Variants in PRKCE observed in about 807,000 individuals in gnomAD.
PRKCE encodes the protein protein kinase C epsilon type.
PRKCE carries 16 observed loss-of-function variants against 85.4 expected under a neutral mutation model. The ratio of observed to expected loss-of-function variants is 0.19; its 90% CI spans 0.13 to 0.28. PRKCE has a LOEUF of 0.28. PRKCE is among the 10% of genes least tolerant of loss of function. The probability of loss-of-function intolerance (pLI) is 1.00; values close to 1 mark genes in which losing one functional copy is unlikely to be tolerated. For synonymous variants in PRKCE, 388 were observed against 371.5 expected (o/e 1.04, Z -0.51); for missense variants, 573 against 975.2 (o/e 0.59, Z 5.49).
At chr2:46,129,644 G>A (rs1674216996) in intron 11 of PRKCE, among the ~76,000 whole-genome samples, 1 of 152,200 alleles carries the variant, frequency 6.6e-6, no homozygotes, top group African/African-American at 2.4e-5. Flanking sequence ...CTGAGCCCTG[G>A]GCTGACTGTC....
intron 10 of PRKCE, among the ~76,000 whole-genome samples, chr2:46,055,958 C>T (rs975355251): frequency 2.6e-5 from 4 of 152,116 alleles, no homozygotes; most frequent in Admixed American, 6.5e-5. Flanking sequence ...TCATAGCGCC[C>T]GGCCAGTAAG....
At chr2:45,950,672 G>A (rs564744178) in intron 2 of PRKCE, among the ~76,000 whole-genome samples, 1 of 152,226 alleles carries the variant, frequency 6.6e-6, no homozygotes, top group Admixed American at 6.5e-5. Context: ...GAGTGAAAAA[G>A]GTTACTTCAA....
intron 1 of PRKCE, chr2:45,676,708 T>C (rs1472591439): frequency 1.3e-5 from 2 of 152,152 alleles, no homozygotes; most frequent in Admixed American, 1.3e-4. Context: ...AGGGAGCGAG[T>C]AAAGGCCATG....
chr2:45,677,692 C>T (rs1231065325), intron 1 of PRKCE: 1 of 175,764 alleles, frequency 5.7e-6, no homozygotes, highest in Non-Finnish European at 1.1e-5. Context: ...ATGGACTAGA[C>T]ATGGATTAGA....
At chr2:45,906,643 A>G (rs1696997784) in intron 2 of PRKCE, among the ~76,000 whole-genome samples, 1 of 152,114 alleles carries the variant, frequency 6.6e-6, no homozygotes, top group Non-Finnish European at 1.5e-5. Context: ...GGTTGGGGGA[A>G]GCTATCTCTG....
At chr2:45,989,210 G>T (rs1236857906) in intron 6 of PRKCE, among the ~76,000 whole-genome samples, 1 of 152,214 alleles carries the variant, frequency 6.6e-6, no homozygotes. Flanking sequence ...CAGGACAGGG[G>T]ACGAGGCACA....
intron 10 of PRKCE, among the ~76,000 whole-genome samples, chr2:46,062,825 C>T (rs549100295): frequency 4.3e-4 from 65 of 152,196 alleles, no homozygotes; most frequent in African/African-American, 1.4e-3. Flanking sequence ...GACGTTGTTT[C>T]GCTATGTTGG....
chr2:45,965,454 T>C (rs1574049680), intron 2 of PRKCE, among the ~76,000 whole-genome samples: 1 of 152,212 alleles, frequency 6.6e-6, no homozygotes, highest in African/African-American at 2.4e-5. Context: ...AAACAGAGCA[T>C]TATTGAAAGG....
chr2:46,142,829 G>C (rs542676396), intron 11 of PRKCE, among the ~76,000 whole-genome samples: 4 of 152,328 alleles, frequency 2.6e-5, no homozygotes, highest in African/African-American at 7.2e-5. Flanking sequence ...TCAGAAAAGG[G>C]GCAAGGTTCA....
chr2:45,731,646 C>T (rs1365798579), intron 1 of PRKCE, among the ~76,000 whole-genome samples: 4 of 124,338 alleles, frequency 3.2e-5, no homozygotes, highest in African/African-American at 1.2e-4. Context: ...TTTTTTGAGG[C>T]AGGGTCTCAC....
At chr2:45,922,205 C>G (rs1698298472) in intron 2 of PRKCE, among the ~76,000 whole-genome samples, 1 of 152,200 alleles carries the variant, frequency 6.6e-6, no homozygotes, top group African/African-American at 2.4e-5. Context: ...TTGAGGTTAT[C>G]TCTGACACTG....
intron 2 of PRKCE, among the ~76,000 whole-genome samples, chr2:45,856,495 T>C (rs1238996396): frequency 6.6e-6 from 1 of 152,172 alleles, no homozygotes; most frequent in Non-Finnish European, 1.5e-5. Context: ...CCTCCCAGAG[T>C]TCTTGGATTA....
chr2:45,920,951 T>C (rs1230518965), intron 2 of PRKCE, among the ~76,000 whole-genome samples: 1 of 152,212 alleles, frequency 6.6e-6, no homozygotes, highest in Non-Finnish European at 1.5e-5. Flanking sequence ...TACACATGCC[T>C]GTTGCTCCCC....
At chr2:46,144,836 C>G (rs562235717) in intron 11 of PRKCE, among the ~76,000 whole-genome samples, 8 of 152,256 alleles carry the variant, frequency 5.3e-5, no homozygotes, top group Admixed American at 5.2e-4. Context: ...TGACTTAGCT[C>G]TATTAAACCA....
intron 2 of PRKCE, among the ~76,000 whole-genome samples, chr2:45,928,770 G>T (rs894544562): frequency 6.6e-6 from 1 of 152,140 alleles, no homozygotes; most frequent in Non-Finnish European, 1.5e-5. Context: ...CTAATAGTGT[G>T]GATGGACTTT....
chr2:45,914,799 T>C (rs929185435), intron 2 of PRKCE, among the ~76,000 whole-genome samples: 3 of 152,246 alleles, frequency 2.0e-5, no homozygotes, highest in African/African-American at 4.8e-5. Context: ...TGTATAGCTA[T>C]GTAGGAGCAC....
At chr2:46,147,779 G>A (rs183647892) in intron 12 of PRKCE, among the ~76,000 whole-genome samples, 17 of 152,314 alleles carry the variant, frequency 1.1e-4, no homozygotes, top group Admixed American at 8.5e-4. Flanking sequence ...CATCATTGTT[G>A]GGTTGTGTGA....
intron 1 of PRKCE, among the ~76,000 whole-genome samples, chr2:45,684,640 C>T (rs1333964558): frequency 6.6e-6 from 1 of 152,198 alleles, no homozygotes; most frequent in Non-Finnish European, 1.5e-5. Flanking sequence ...AGCTGAGTTG[C>T]TCTTTCTGGT....
At chr2:45,878,246 T>C (rs538097642) in intron 2 of PRKCE, among the ~76,000 whole-genome samples, 1 of 152,372 alleles carries the variant, frequency 6.6e-6, no homozygotes, top group African/African-American at 2.4e-5. Context: ...GACTGGTTCA[T>C]TGTGCTTGGA....
Sources: allele counts gnomAD v4.1 joint callset (sites outside exome capture counted in the v4.1 genomes callset), GRCh38; gene constraint gnomAD v4.1.1; transcripts MANE v1.5; gene names NCBI Gene and HGNC (gene_info 2026-07-23, HGNC 2026-07-21).